PTPRM: variants seen among roughly 807,000 people sequenced by gnomAD.
PTPRM encodes receptor-type tyrosine-protein phosphatase mu.
Under a neutral mutation model 186.7 loss-of-function variants are expected in PTPRM, and 47 were observed. The observed-to-expected ratio is 0.25, with a 90% CI of 0.20 to 0.32. The LOEUF is 0.32. Ranked by LOEUF, PTPRM falls within the 10% of genes least tolerant of loss-of-function variation. The probability of loss-of-function intolerance (pLI) is 1.00; values close to 1 mark genes in which losing one functional copy is unlikely to be tolerated. For synonymous variants in PTPRM, 668 were observed against 674.9 expected, an observed-to-expected ratio of 0.99 and a Z score of 0.16; for missense variants, 1,494 against 1,865.0, an observed-to-expected ratio of 0.80 and a Z score of 3.66.
At chr18:8,358,228 C>G (rs895735772) in intron 23 of PTPRM, among the ~76,000 whole-genome samples, 2 of 146,642 alleles carry the variant, frequency 1.4e-5, no homozygotes, top group African/African-American at 2.6e-5. Flanking sequence ...GAGGTTCTTC[C>G]CAAATGTATG....
chr18:8,249,154 T>G (rs1166026037), intron 17 of PTPRM, among the ~76,000 whole-genome samples: 1 of 152,234 alleles, frequency 6.6e-6, no homozygotes, highest in African/African-American at 2.4e-5. Flanking sequence ...CGACTTCTCC[T>G]TCCTAATTCA....
In PTPRM at chr18:7,672,854, G is replaced by C. The variant is rs534950874; in HGVS notation, c.74-101295G>C. 5.3e-5 allele frequency among the ~76,000 whole-genome samples: 8 copies of C among 152,318 alleles called. No individual in the cohort carries two copies. The East Asian group carries it at 1.5e-3, about 29-fold the overall frequency. On this transcript the variant is annotated intron_variant, in intron 1 of 32. Coordinates refer to ENST00000580170, the MANE Select transcript of PTPRM (RefSeq NM_001105244.2). ...GATCCCAGGAACATAAAAGTCTAGT[G>C]AGTGGAGGCCCCTGATGTTGGAGCC...
At chr18:8,381,884 A>G (rs2095739073) in intron 29 of PTPRM, among the ~76,000 whole-genome samples, 1 of 152,170 alleles carries the variant, frequency 6.6e-6, no homozygotes, top group African/African-American at 2.4e-5. Context: ...ATGTGGAGAT[A>G]TTTTTGTTCA....
chr18:7,827,846 G>A (rs772249613), intron 2 of PTPRM, among the ~76,000 whole-genome samples: 1 of 152,182 alleles, frequency 6.6e-6, no homozygotes, highest in Non-Finnish European at 1.5e-5. Context: ...TCACAACTGT[G>A]GGCGTGATTA....
In PTPRM at chr18:7,959,364, T is replaced by A. The variant is rs111600113; in HGVS notation, c.1132+3950T>A. Among the ~76,000 whole-genome samples, 1,055 of 152,330 alleles carry A rather than the reference T, an allele frequency of 6.9e-3. 11 individuals carry two copies. The highest frequency in any genetic ancestry group is 0.024 in the African/African-American group (1,008 of 41,572). On this transcript the variant is annotated intron_variant, in intron 7 of 32. Transcript: ENST00000580170. Reference sequence around the variant, plus strand: ...TTTGCAGTTGTGCATTATGTTCTCATCTGTTAAATCTGTTTATTTTGGCCA... The same window carrying A: ...TTTGCAGTTGTGCATTATGTTCTCAACTGTTAAATCTGTTTATTTTGGCCA...
chr18:7,572,645 G>C (rs1211837826), intron 1 of PTPRM, among the ~76,000 whole-genome samples: 1 of 152,100 alleles, frequency 6.6e-6, no homozygotes, highest in East Asian at 1.9e-4. Flanking sequence ...TGAGTTTTAT[G>C]CTTTTCAACA....
chr18:8,384,412 C>A, intron 29 of PTPRM, 149 bp from the exon 30 acceptor site: 1 of 850,338 alleles, frequency 1.2e-6, no homozygotes, highest in Non-Finnish European at 1.8e-6. Flanking sequence ...GAGCCATGAT[C>A]GCACCACTGC....
intron 5 of PTPRM, among the ~76,000 whole-genome samples, chr18:7,944,593 C>T (rs988884602): frequency 1.3e-5 from 2 of 152,188 alleles, no homozygotes; most frequent in African/African-American, 2.4e-5. Context: ...TACCAAGAAG[C>T]ACTTCTGTTC....
chr18:7,733,218 T>C (rs2144417791), intron 1 of PTPRM, among the ~76,000 whole-genome samples: 1 of 152,216 alleles, frequency 6.6e-6, no homozygotes, highest in South Asian at 2.1e-4. Context: ...GTATTTGTCC[T>C]AATGCTCCCT....
chr18:7,618,262 G>A (rs1251474622), intron 1 of PTPRM, among the ~76,000 whole-genome samples: 3 of 152,150 alleles, frequency 2.0e-5, no homozygotes, highest in Non-Finnish European at 4.4e-5. Context: ...CCTGAGGGAA[G>A]AGTCCTGAGT....
chr18:7,659,011 C>T (rs938937852), intron 1 of PTPRM, among the ~76,000 whole-genome samples: 1 of 152,070 alleles, frequency 6.6e-6, no homozygotes, highest in African/African-American at 2.4e-5. Flanking sequence ...CTGCAGACAG[C>T]TACCATTTCC....
intron 2 of PTPRM, among the ~76,000 whole-genome samples, chr18:7,887,061 C>T (rs1165034505): frequency 6.6e-6 from 1 of 152,088 alleles, no homozygotes; most frequent in Non-Finnish European, 1.5e-5. Flanking sequence ...TTGTGATTCA[C>T]AATGAGGGTA....
At chr18:8,256,873 C>T (rs55782548) in intron 19 of PTPRM, among the ~76,000 whole-genome samples, 30,033 of 152,152 alleles carry the variant, frequency 0.2, 3,640 homozygotes, top group Non-Finnish European at 0.27. Context: ...TACTATAACT[C>T]TAGACTGCAT....
intron 7 of PTPRM, among the ~76,000 whole-genome samples, chr18:7,980,990 G>A (rs1406086631): frequency 6.6e-6 from 1 of 152,118 alleles, no homozygotes; most frequent in East Asian, 1.9e-4. Context: ...CCTATCATCT[G>A]GCTTTGGCCC....
chr18:7,783,112 G>T (rs1245456247), intron 2 of PTPRM, among the ~76,000 whole-genome samples: 1 of 152,194 alleles, frequency 6.6e-6, no homozygotes, highest in Non-Finnish European at 1.5e-5. Flanking sequence ...GCCAAGTAAT[G>T]GAATAAACAG....
At chr18:7,704,206 T>A (rs562010535) in intron 1 of PTPRM, among the ~76,000 whole-genome samples, 16 of 152,172 alleles carry the variant, frequency 1.1e-4, no homozygotes, top group Non-Finnish European at 2.1e-4. Context: ...TAGGGAGGAT[T>A]TCCTCTTTTT....
chr18:7,678,219 G>A (rs1445691245), intron 1 of PTPRM, among the ~76,000 whole-genome samples: 1 of 152,150 alleles, frequency 6.6e-6, no homozygotes, highest in African/African-American at 2.4e-5. Context: ...GAGAAAGTGG[G>A]TAGTTAGGAA....
intron 1 of PTPRM, among the ~76,000 whole-genome samples, chr18:7,629,739 G>A (rs1000506902): frequency 2.6e-5 from 4 of 152,248 alleles, no homozygotes; most frequent in Admixed American, 2.0e-4. Flanking sequence ...GTAACATAGG[G>A]TAACCAGATT....
chr18:8,326,373 A>G (rs983988166), intron 22 of PTPRM, among the ~76,000 whole-genome samples: 1 of 152,238 alleles, frequency 6.6e-6, no homozygotes, highest in African/African-American at 2.4e-5. Context: ...AGCAATTTAC[A>G]GATTCAATGC....
Sources: gnomAD v4.1 joint callset for allele counts (sites outside exome capture counted in the v4.1 genomes callset) on GRCh38, gnomAD v4.1.1 for gene constraint, MANE v1.5 for transcripts, NCBI Gene and HGNC (gene_info 2026-07-23, HGNC 2026-07-21) for gene names.